The following RBPJ variants were observed in gnomAD, a reference collection of about 807,000 sequenced individuals.
RBPJ encodes recombining binding protein suppressor of hairless.
A neutral mutation model predicts 67.8 loss-of-function variants in RBPJ; 9 were observed. The ratio of observed to expected loss-of-function variants is 0.13; its 90% CI spans 0.08 to 0.23. RBPJ has a LOEUF of 0.23. RBPJ is among the 10% of genes least tolerant of loss of function. RBPJ has a pLI of 1.00. For missense variants in RBPJ, 305 were observed against 595.6 expected (o/e 0.51, Z 5.08); for synonymous variants, 198 against 203.3 (o/e 0.97, Z 0.22).
chr4:26,167,090 C>A lies in RBPJ; in HGVS notation c.-167+3476C>A, dbSNP rs541058663. Among the ~76,000 whole-genome samples, 3 of 152,102 alleles carry A rather than the reference C, an allele frequency of 2.0e-5. No individual in the cohort carries two copies. In the East Asian group the frequency reaches 5.8e-4, roughly 29 times the overall value. On this transcript the variant is annotated intron_variant, in intron 1 of 4. Transcript: ENST00000512351. ...ATCGATCTATAGCTCTGTTTTGGTA[C>A]CAGTACCATGCTGTTTTGGTTACTG... is the stretch of plus-strand genomic sequence containing the variant.
At chr4:26,322,674 T>TAC (rs5856937) in intron 1 of RBPJ, among the ~76,000 whole-genome samples, 27 of 150,514 alleles carry the variant, frequency 1.8e-4, no homozygotes, top group African/African-American at 5.4e-4. Flanking sequence ...TATATATATA[T>TAC]ACACACACAC....
rs776848130 is a variant in RBPJ, at chr4:26,430,773, G to A, written c.1230G>A (p.Gln410=). The A allele has an allele frequency of 6.2e-7, 1 of 1,614,092 alleles. No homozygotes were observed. Among genetic ancestry groups the A allele is most frequent in the East Asian group, 2.2e-5 (1 of 44,880 alleles). The part of the protein sequence containing the change: ...EGWRWVRQPV[Q]VPVTLVRNDG... Reference sequence around the variant, plus strand: ...GGAGATGGGTCCGGCAACCAGTCCAGGTTCCAGTAACTTTGGTCCGAAATG... The same window carrying A: ...GGAGATGGGTCCGGCAACCAGTCCAAGTTCCAGTAACTTTGGTCCGAAATG... The change falls in exon 11 of 11, where the codon CAG becomes CAA. Residue 410 remains glutamine, a synonymous_variant. Coordinates refer to ENST00000355476, the MANE Select transcript of RBPJ (RefSeq NM_015874.6). The surrounding 1 kb of genome is among the most constrained non-coding windows in gnomAD (Gnocchi z 4.1).
chr4:26,159,942 G>T (rs920269818), upstream of RBPJ, among the ~76,000 whole-genome samples: 2 of 149,196 alleles, frequency 1.3e-5, no homozygotes. Context: ...TTTTTGAGAC[G>T]GAGTCTCACT....
At chr4:26,139,475 C>T in the RBPJ span, among the ~76,000 whole-genome samples, 5 of 152,218 alleles carry the variant, frequency 3.3e-5, no homozygotes, top group Admixed American at 3.3e-4. Flanking sequence ...TGCGGGCTCC[C>T]AGCTGGAGAT....
At position 26,432,037 on chromosome 4, in the gene RBPJ, A is replaced by G. The variant is rs1026438727; in HGVS notation, c.*1030A>G. 6.6e-6 allele frequency: 1 copy of G among 152,224 alleles called. No individual in the cohort carries two copies. The highest frequency in any genetic ancestry group is 2.4e-5 in the African/African-American group (1 of 41,456). The allele number at this position is 152,224 out of a possible 1,614,324, so 9.4% of individuals were successfully genotyped here. On this transcript the variant is annotated 3_prime_UTR_variant, in exon 11 of 11. Transcript: ENST00000355476. ...TTTTTCCCCCCTCCTAATCTTGTAC[A>G]TAACTTGTATTATGTGTAAGTTAAA...
chr4:26,250,893 A>T (rs995616627), intron 1 of RBPJ, among the ~76,000 whole-genome samples: 1 of 152,182 alleles, frequency 6.6e-6, no homozygotes, highest in African/African-American at 2.4e-5. Context: ...TTTGTATTCC[A>T]TCGTGTGATG....
chr4:26,337,682 CTTTTTTTTT>C (rs386356773), intron 1 of RBPJ, among the ~76,000 whole-genome samples: 3 of 108,030 alleles, frequency 2.8e-5, no homozygotes, highest in Non-Finnish European at 5.4e-5. Flanking sequence ...ATTCTTTATC[CTTTTTTTTT>C]TTTTTTTTTT....
At chr4:26,319,337 C>T (rs1033189790), upstream of RBPJ, among the ~76,000 whole-genome samples, 1 of 152,212 alleles carries the variant, frequency 6.6e-6, no homozygotes, top group Admixed American at 6.5e-5. Context: ...CCCCACCCCT[C>T]GTCTTCCATC....
intron 1 of RBPJ, among the ~76,000 whole-genome samples, chr4:26,235,016 C>T (rs1410301554): frequency 1.3e-5 from 2 of 152,058 alleles, no homozygotes; most frequent in African/African-American, 2.4e-5. Context: ...CTTATAACTC[C>T]ACCCTATCCA....
chr4:26,306,594 TGTC>T (rs1254100562), intron 1 of RBPJ, among the ~76,000 whole-genome samples: 1 of 151,800 alleles, frequency 6.6e-6, no homozygotes, highest in Non-Finnish European at 1.5e-5. Context: ...GGACTACAGG[TGTC>T]CGCCACCATG....
chr4:26,158,626 C>T (rs192475055), upstream of RBPJ, among the ~76,000 whole-genome samples: 1 of 152,236 alleles, frequency 6.6e-6, no homozygotes, highest in African/African-American at 2.4e-5. Context: ...ATGGAGTCTC[C>T]AATATATGAG....
intron 1 of RBPJ, among the ~76,000 whole-genome samples, chr4:26,346,431 C>A (rs935023117): frequency 6.6e-6 from 1 of 152,124 alleles, no homozygotes; most frequent in African/African-American, 2.4e-5. Flanking sequence ...TAAACTTTCC[C>A]CTTGGCAGGT....
intron 4 of RBPJ, among the ~76,000 whole-genome samples, chr4:26,416,661 G>A (rs1734620938): frequency 2.0e-5 from 3 of 152,134 alleles, no homozygotes; most frequent in South Asian, 4.1e-4. Context: ...TTCTAAAATA[G>A]CGCATAAACA....
At chr4:26,200,579 G>A (rs1436560016) in intron 1 of RBPJ, among the ~76,000 whole-genome samples, 1 of 151,988 alleles carries the variant, frequency 6.6e-6, no homozygotes, top group African/African-American at 2.4e-5. Context: ...GCTGAGGTGG[G>A]AGGATCACTT....
At chr4:26,273,294 C>T (rs535473260) in intron 1 of RBPJ, among the ~76,000 whole-genome samples, 2 of 152,300 alleles carry the variant, frequency 1.3e-5, no homozygotes, top group South Asian at 4.1e-4. Context: ...TTACCTCACC[C>T]GAGAGCTTTA....
At chr4:26,143,111 C>T in the RBPJ span, among the ~76,000 whole-genome samples, 1 of 152,194 alleles carries the variant, frequency 6.6e-6, no homozygotes, top group African/African-American at 2.4e-5. Flanking sequence ...CTGAAATTAA[C>T]TCATATTTCA....
chr4:26,185,881 A>G (rs898854841), intron 1 of RBPJ, among the ~76,000 whole-genome samples: 3 of 152,176 alleles, frequency 2.0e-5, no homozygotes, highest in African/African-American at 7.2e-5. Flanking sequence ...TCCTGTCTCT[A>G]CTGAAAATAC....
At chr4:26,394,866 C>T (rs1577601418) in intron 2 of RBPJ, among the ~76,000 whole-genome samples, 1 of 152,246 alleles carries the variant, frequency 6.6e-6, no homozygotes, top group East Asian at 1.9e-4. Context: ...TGCTTGAATC[C>T]GTTTAATGTC....
intron 1 of RBPJ, among the ~76,000 whole-genome samples, chr4:26,299,672 CTTTTT>C (rs397879662): frequency 0.025 from 2,165 of 85,314 alleles, 38 homozygotes; most frequent in African/African-American, 0.076. Context: ...AGACTGTGTG[CTTTTT>C]TTTTTTTTTT....
Sources: gnomAD v4.1 joint callset for allele counts (sites outside exome capture counted in the v4.1 genomes callset) on GRCh38, gnomAD v4.1.1 for gene constraint, Gnocchi (gnomAD v3.1) non-coding constraint, MANE v1.5 for transcripts, NCBI Gene and HGNC (gene_info 2026-07-23, HGNC 2026-07-21) for gene names.